Variants in IRAG2 observed in about 807,000 individuals in gnomAD.
IRAG2 encodes inositol 1,4,5-triphosphate receptor associated 2.
Under a neutral mutation model 69.9 loss-of-function variants are expected in IRAG2, and 45 were observed. The observed-to-expected ratio is 0.64, with a 90% confidence interval of 0.51 to 0.83. IRAG2 has a LOEUF of 0.83. Ranked by LOEUF, IRAG2 falls within the 40% of genes least tolerant of loss-of-function variation. The pLI is 0.00. For synonymous variants in IRAG2, 193 were observed against 202.4 expected, an observed-to-expected ratio of 0.95 and a Z score of 0.40; for missense variants, 520 against 587.0, an observed-to-expected ratio of 0.89 and a Z score of 1.18.
chr12:25,088,672 C>T (rs926721362), intron 11 of IRAG2, among the ~76,000 whole-genome samples: 1 of 152,122 alleles, frequency 6.6e-6, no homozygotes, highest in Non-Finnish European at 1.5e-5. Flanking sequence ...AAGAAAAGTA[C>T]ACTTAATTGA....
intron 1 of IRAG2, among the ~76,000 whole-genome samples, chr12:25,056,089 C>T (rs1259081034): frequency 1.3e-5 from 2 of 152,286 alleles, no homozygotes; most frequent in East Asian, 3.9e-4. Context: ...TTAGAGGAGA[C>T]TTTCACCTAG....
intron 3 of IRAG2, among the ~76,000 whole-genome samples, 184 bp downstream of exon 3, chr12:25,063,084 C>T (rs1945729828): frequency 6.6e-6 from 1 of 152,138 alleles, no homozygotes; most frequent in East Asian, 1.9e-4. Context: ...CACACACAAA[C>T]CTAGTTGGTC....
chr12:25,108,009 T>TA lies in IRAG2; in HGVS notation c.1450dup (p.Ile484AsnfsTer39), dbSNP rs749768684. The TA allele has an allele frequency of 2.5e-6, 4 of 1,614,124 alleles. No homozygotes were observed. The Admixed American group carries it at 6.7e-5, about 27-fold the overall frequency. ...AGGACTCATGGACGTCTCTAGAACA[T>TA]ATCTTGTGGCCATTTACCAGACTCC... On this transcript the variant is annotated frameshift_variant, in exon 22 of 22. Transcript: ENST00000556887. LOFTEE classifies it high-confidence loss of function.
intron 5 of IRAG2, among the ~76,000 whole-genome samples, chr12:25,016,871 C>T (rs1296779671): frequency 6.6e-6 from 1 of 151,890 alleles, no homozygotes; most frequent in African/African-American, 2.4e-5. Context: ...AAAGAATCAA[C>T]AAAAACTGTA....
chr12:25,077,229 G>C (rs201514286), intron 6 of IRAG2, among the ~76,000 whole-genome samples: 4 of 31,168 alleles, frequency 1.3e-4, no homozygotes, highest in Non-Finnish European at 2.2e-4. Context: ...AAATATATAT[G>C]ATATATATAT....
chr12:25,016,420 T>C (rs1367095512), intron 5 of IRAG2, among the ~76,000 whole-genome samples: 2 of 152,162 alleles, frequency 1.3e-5, no homozygotes, highest in Admixed American at 1.3e-4. Flanking sequence ...ACTACAATGA[T>C]AAGACTCTAG....
intron 7 of IRAG2, among the ~76,000 whole-genome samples, chr12:25,022,338 A>G (rs1017150093): frequency 7.2e-5 from 11 of 152,086 alleles, no homozygotes; most frequent in Non-Finnish European, 1.6e-4. Context: ...AACTAAAAAT[A>G]TAGAAATTAG....
rs936412291 is a variant in IRAG2, at chr12:25,108,266, C to T, written c.*206C>T. On this transcript the variant is annotated 3_prime_UTR_variant, in exon 22 of 22. Transcript: ENST00000556887. ...AGTCTGCCTATGATCTTTGAATGAG[C>T]TTTTTAAGGAAGAAATATTATATAT... The T allele has an allele frequency of 1.7e-6, 1 of 575,524 alleles. No homozygotes were observed. 35.7% of individuals were successfully genotyped at this position (575,524 alleles called of 1,614,324 possible).
At chr12:25,034,418 G>A (rs1272753645) in intron 13 of IRAG2, among the ~76,000 whole-genome samples, 2 of 152,158 alleles carry the variant, frequency 1.3e-5, no homozygotes, top group Non-Finnish European at 2.9e-5. Flanking sequence ...ATTACATTCT[G>A]AACAGAAACT....
chr12:25,000,038 G>A (rs1462818732), upstream of IRAG2, among the ~76,000 whole-genome samples: 2 of 152,150 alleles, frequency 1.3e-5, no homozygotes, highest in Admixed American at 6.5e-5. Context: ...CACAGACTAC[G>A]AGTTTCAGGA....
At chr12:25,059,178 C>T (rs11047796) in intron 1 of IRAG2, among the ~76,000 whole-genome samples, 9,877 of 152,186 alleles carry the variant, frequency 0.065, 440 homozygotes, top group Non-Finnish European at 0.094. Flanking sequence ...CAGAAACACA[C>T]GATGGCCACT....
chr12:25,055,851 G>A (rs190460564), intron 1 of IRAG2, among the ~76,000 whole-genome samples: 1 of 152,258 alleles, frequency 6.6e-6, no homozygotes. Context: ...TGAATCTTAT[G>A]TACAGAAATC....
chr12:25,050,421 C>T (rs529059933), upstream of IRAG2, among the ~76,000 whole-genome samples: 2 of 151,476 alleles, frequency 1.3e-5, no homozygotes, highest in Non-Finnish European at 2.9e-5. Context: ...CCCAGCTACC[C>T]GGGAGGCTGA....
intron 4 of IRAG2, among the ~76,000 whole-genome samples, chr12:25,066,082 T>G (rs1945965806): frequency 6.6e-6 from 1 of 152,084 alleles, no homozygotes; most frequent in Admixed American, 6.5e-5. Flanking sequence ...CTCCCACACT[T>G]AAAAAAACTT....
chr12:25,096,458 G>A (rs1948426126), intron 14 of IRAG2, among the ~76,000 whole-genome samples: 1 of 152,106 alleles, frequency 6.6e-6, no homozygotes, highest in South Asian at 2.1e-4. Flanking sequence ...AATTCATAAG[G>A]CAATGAATGT....
At position 25,075,554 on chromosome 12, in the gene IRAG2, GTGTA is replaced by G. The variant is rs770098025; in HGVS notation, c.25-3686_25-3683del. Among the ~76,000 whole-genome samples, 979 of 118,132 alleles carry G rather than the reference GTGTA, an allele frequency of 8.3e-3. 7 individuals carry two copies. The highest frequency in any genetic ancestry group is 0.016 in the South Asian group (60 of 3,736). 77.5% of individuals were successfully genotyped at this position (118,132 alleles called of 152,430 possible). On this transcript the variant is annotated intron_variant, in intron 6 of 21. Transcript: ENST00000556887. Reference sequence around the variant, plus strand: ...TGTGTGTGTGTGTGTGTGTGTGTGTGTGTATGTGTGTCTCCTGTGTTTGCTGACC... The same window carrying G: ...TGTGTGTGTGTGTGTGTGTGTGTGTGTGTGTGTCTCCTGTGTTTGCTGACC...
chr12:25,008,345 T>C (rs863490), intron 2 of IRAG2, among the ~76,000 whole-genome samples: 19,252 of 152,144 alleles, frequency 0.13, 1,343 homozygotes, highest in Non-Finnish European at 0.16. Flanking sequence ...CTCATACCTG[T>C]AATCCCAGCA....
At chr12:25,086,223 G>A (rs1468675488) in intron 10 of IRAG2, among the ~76,000 whole-genome samples, 5 of 152,198 alleles carry the variant, frequency 3.3e-5, no homozygotes, top group African/African-American at 1.2e-4. Flanking sequence ...TGGAGAAAAG[G>A]AGATAAATTT....
chr12:25,008,726 G>A (rs117945360), intron 2 of IRAG2, among the ~76,000 whole-genome samples: 7 of 152,154 alleles, frequency 4.6e-5, no homozygotes, highest in South Asian at 2.1e-4. Context: ...GAGACAAAGC[G>A]AAACTCCATC....
Sources: allele counts gnomAD v4.1 joint callset (sites outside exome capture counted in the v4.1 genomes callset), GRCh38; gene constraint gnomAD v4.1.1; transcripts MANE v1.5; gene names NCBI Gene and HGNC (gene_info 2026-07-23, HGNC 2026-07-21).